PCDHGA3: variants seen among roughly 807,000 people sequenced by gnomAD.
The protein encoded by PCDHGA3 is protocadherin gamma-A3.
A neutral mutation model predicts 58.5 loss-of-function variants in PCDHGA3; 40 were observed. That is an observed-to-expected ratio of 0.68 (90% CI 0.53 to 0.89). The LOEUF is 0.89. Ranked by LOEUF, PCDHGA3 falls within the 40% of genes least tolerant of loss-of-function variation. PCDHGA3 has a pLI of 0.00. For missense variants in PCDHGA3, 1,223 were observed against 1,195.9 expected (o/e 1.02, Z -0.33); for synonymous variants, 530 against 525.7 (o/e 1.01, Z -0.11).
At chr5:141,372,619 C>G (rs771812483) in intron 1 of PCDHGA3, 1 of 1,613,968 alleles carries the variant, frequency 6.2e-7, no homozygotes, top group Non-Finnish European at 8.5e-7. Context: ...GTTCTCCCCA[C>G]CTACAGCGAA....
chr5:141,398,888 A>G (rs2093720509), intron 1 of PCDHGA3: 2 of 1,613,968 alleles, frequency 1.2e-6, no homozygotes, highest in East Asian at 4.5e-5. Context: ...CTTCGGGAAA[A>G]CGTGCCACCA....
At chr5:141,365,434 G>A (rs770375441) in intron 1 of PCDHGA3, 6 of 1,613,902 alleles carry the variant, frequency 3.7e-6, no homozygotes, top group Non-Finnish European at 5.1e-6. Context: ...TAATCGCGCT[G>A]TTTAGCGTAC....
Position 141,384,065 on chromosome 5 carries a change from A to G in PCDHGA3, c.2424+37608A>G, listed in dbSNP as rs1209284047. ...GAGGTGACCTGCACCATTCCAGAAAACCTACCTTTTAAATTAGAAAAATCA... is the reference window on the plus strand; with the variant it reads ...GAGGTGACCTGCACCATTCCAGAAAGCCTACCTTTTAAATTAGAAAAATCA... On this transcript the variant is annotated intron_variant, in intron 1 of 3. Transcript: ENST00000253812. 2 of 1,607,382 alleles carry G rather than the reference A, an allele frequency of 1.2e-6. No individual in the cohort carries two copies. The highest frequency in any genetic ancestry group is 1.7e-5 in the Admixed American group (1 of 58,998).
chr5:141,403,333 C>A (rs376895778), intron 1 of PCDHGA3: 1 of 1,613,984 alleles, frequency 6.2e-7, no homozygotes, highest in South Asian at 1.1e-5. Flanking sequence ...CTGATATTAA[C>A]GACAGCGCCC....
chr5:141,419,435 C>T, intron 1 of PCDHGA3: 1 of 1,613,226 alleles, frequency 6.2e-7, no homozygotes, highest in Non-Finnish European at 8.5e-7. Context: ...CGAGCAGCTG[C>T]GCACCTTCGA....
intron 1 of PCDHGA3, chr5:141,414,324 T>G (rs2095735584): frequency 6.2e-7 from 1 of 1,613,758 alleles, no homozygotes; most frequent in South Asian, 1.1e-5. Context: ...CTGAGCAGAA[T>G]GGACAGGTAA....
At chr5:141,371,209 G>T in intron 1 of PCDHGA3, 1 of 1,614,006 alleles carries the variant, frequency 6.2e-7, no homozygotes, top group Non-Finnish European at 8.5e-7. Context: ...ATGGATGAGG[G>T]CATCAATGCC....
chr5:141,454,762 G>C (rs889314181), intron 1 of PCDHGA3, among the ~76,000 whole-genome samples: 4 of 115,056 alleles, frequency 3.5e-5, no homozygotes, highest in African/African-American at 6.6e-5. Context: ...ATCTTGACAT[G>C]TTTTTTACAA....
intron 1 of PCDHGA3, chr5:141,371,175 G>A: frequency 3.1e-6 from 5 of 1,614,004 alleles, no homozygotes; most frequent in Non-Finnish European, 4.2e-6. Flanking sequence ...TGGCTCCTCC[G>A]TATTAAAAGT....
intron 1 of PCDHGA3, among the ~76,000 whole-genome samples, chr5:141,467,055 C>CTTTTTTTTTTTTTTTTTTT (rs1193465269): frequency 7.4e-6 from 1 of 134,498 alleles, no homozygotes; most frequent in Non-Finnish European, 1.6e-5. Context: ...TCAATGTTTT[C>CTTTTTTTTTTTTTTTTTTT]TTTTTTTTTT....
At position 141,485,841 on chromosome 5, in the gene PCDHGA3, C is replaced by G. The variant is rs969476505; in HGVS notation, c.2425-8966C>G. On this transcript the variant is annotated intron_variant, in intron 1 of 3. Transcript: ENST00000253812. This position sits in a 1 kb window ranked among gnomAD's most constrained non-coding sequence, Gnocchi z 5.7. Reference sequence around the variant, plus strand: ...GTCGATGGAGGGAACCCGCCGAGATCTGGCACCGCAGAGCTCCGGGTATCC... The same window carrying G: ...GTCGATGGAGGGAACCCGCCGAGATGTGGCACCGCAGAGCTCCGGGTATCC... 29 of 1,614,104 alleles carry G rather than the reference C, an allele frequency of 1.8e-5. No individual in the cohort carries two copies. The highest frequency in any genetic ancestry group is 2.2e-5 in the South Asian group (2 of 91,080).
intron 1 of PCDHGA3, among the ~76,000 whole-genome samples, chr5:141,420,737 A>G (rs1156969170): frequency 1.3e-5 from 2 of 152,244 alleles, no homozygotes; most frequent in Non-Finnish European, 2.9e-5. Flanking sequence ...GTTAAAATCA[A>G]TTGGAACCAA....
Position 141,399,994 on chromosome 5 carries a change from C to T in PCDHGA3, c.2424+53537C>T, listed in dbSNP as rs538358679. 27 of 1,612,262 alleles carry T rather than the reference C, an allele frequency of 1.7e-5. No individual in the cohort carries two copies. The East Asian group carries it at 1.8e-4, about 11-fold the overall frequency. On this transcript the variant is annotated intron_variant, in intron 1 of 3. Coordinates refer to ENST00000253812, the MANE Select transcript of PCDHGA3 (RefSeq NM_018916.4). ...CCTGGGGCTGCGCACAGGAGAGGTG[C>T]GCACAGCGCGTGCCTTGGGCGACAG...
At chr5:141,382,945 C>T (rs1357779050) in intron 1 of PCDHGA3, 1 of 1,597,008 alleles carries the variant, frequency 6.3e-7, no homozygotes, top group Admixed American at 1.7e-5. Context: ...ATTCTTCCTG[C>T]TCTCCATCCT....
chr5:141,478,418 C>A, intron 1 of PCDHGA3: 1 of 1,613,650 alleles, frequency 6.2e-7, no homozygotes, highest in Non-Finnish European at 8.5e-7. Context: ...GGACTCCCGC[C>A]GCAGCGACCC....
chr5:141,439,716 C>T (rs2098127719), intron 1 of PCDHGA3: 1 of 152,476 alleles, frequency 6.6e-6, no homozygotes, highest in Non-Finnish European at 1.5e-5. Flanking sequence ...CCTAGTTCTA[C>T]AAATTATAAG....
intron 1 of PCDHGA3, chr5:141,362,667 T>C (rs545396981): frequency 5.4e-6 from 7 of 1,294,756 alleles, no homozygotes; most frequent in South Asian, 3.1e-5. Flanking sequence ...GCCAATGTTG[T>C]GCCTTAATTG....
chr5:141,451,408 T>C (rs1244686397), intron 1 of PCDHGA3, among the ~76,000 whole-genome samples: 1 of 152,204 alleles, frequency 6.6e-6, no homozygotes, highest in Non-Finnish European at 1.5e-5. Flanking sequence ...ATTAAGTTCC[T>C]TGTGGATTGT....
At chr5:141,403,046 C>T in intron 1 of PCDHGA3, 1 of 1,614,056 alleles carries the variant, frequency 6.2e-7, no homozygotes, top group Non-Finnish European at 8.5e-7. Flanking sequence ...CAGTCAGATT[C>T]GCTACTCAGT....
Sources: allele counts gnomAD v4.1 joint callset (sites outside exome capture counted in the v4.1 genomes callset), GRCh38; gene constraint gnomAD v4.1.1; non-coding constraint Gnocchi (gnomAD v3.1); transcripts MANE v1.5; gene names NCBI Gene and HGNC (gene_info 2026-07-23, HGNC 2026-07-21).